The following PTPRG variants were observed in gnomAD, a reference collection of about 807,000 sequenced individuals.
PTPRG encodes protein tyrosine phosphatase receptor type G.
A neutral mutation model predicts 165.3 loss-of-function variants in PTPRG; 102 were observed. The ratio of observed to expected loss-of-function variants is 0.62; its 90% CI spans 0.53 to 0.73. The LOEUF (loss-of-function observed/expected upper bound fraction) is 0.73. PTPRG is among the 30% of genes least tolerant of loss of function. PTPRG has a pLI of 0.00. For synonymous variants in PTPRG, 675 were observed against 669.5 expected, an observed-to-expected ratio of 1.01 and a Z score of -0.13; for missense variants, 1,866 against 1,861.4, an observed-to-expected ratio of 1.00 and a Z score of -0.05.
rs965455075 is a variant in PTPRG, at chr3:61,651,696, A to T, written c.85+89324A>T. Among the ~76,000 whole-genome samples, 5 of 152,152 alleles carry T rather than the reference A, an allele frequency of 3.3e-5. No homozygotes were observed. In the East Asian group the frequency reaches 5.8e-4, roughly 18 times the overall value. ...GGAGAGTGTCAGAAGCTTTATATAT[A>T]TTGATCCATGTAAGTCATGTAAGAA... On this transcript the variant is annotated intron_variant, in intron 1 of 29. Coordinates refer to ENST00000474889, the MANE Select transcript of PTPRG (RefSeq NM_002841.4).
At chr3:62,049,519 C>G (rs920457710) in intron 4 of PTPRG, among the ~76,000 whole-genome samples, 1 of 152,072 alleles carries the variant, frequency 6.6e-6, no homozygotes. Context: ...ATCTTTTACT[C>G]GGTAACTTTC....
intron 7 of PTPRG, among the ~76,000 whole-genome samples, chr3:62,164,068 T>C (rs1038384609): frequency 1.3e-5 from 2 of 152,182 alleles, no homozygotes; most frequent in African/African-American, 4.8e-5. Flanking sequence ...TAACCAGATC[T>C]AGAAAAGCAG....
At chr3:61,751,795 C>T (rs1232783449) in intron 2 of PTPRG, among the ~76,000 whole-genome samples, 1 of 152,068 alleles carries the variant, frequency 6.6e-6, no homozygotes, top group African/African-American at 2.4e-5. Flanking sequence ...TCGAGACCAT[C>T]CTGGCTAACA....
intron 2 of PTPRG, among the ~76,000 whole-genome samples, chr3:61,763,139 A>C (rs981587034): frequency 1.3e-5 from 2 of 152,182 alleles, no homozygotes; most frequent in African/African-American, 4.8e-5. Flanking sequence ...GAATGGGATT[A>C]GCACTGCTGC....
chr3:61,691,570 G>A (rs2030216801), intron 1 of PTPRG, among the ~76,000 whole-genome samples: 1 of 152,180 alleles, frequency 6.6e-6, no homozygotes, highest in Admixed American at 6.5e-5. Flanking sequence ...GAATCAAACT[G>A]TGTTCCTTCA....
chr3:61,961,434 T>G (rs1373605235), intron 2 of PTPRG, among the ~76,000 whole-genome samples: 1 of 152,096 alleles, frequency 6.6e-6, no homozygotes, highest in African/African-American at 2.4e-5. Flanking sequence ...AAATGAAAAA[T>G]AAACCATTTC....
At chr3:61,635,976 T>C (rs950100091) in intron 1 of PTPRG, among the ~76,000 whole-genome samples, 2 of 152,168 alleles carry the variant, frequency 1.3e-5, no homozygotes, top group Non-Finnish European at 1.5e-5. Context: ...TGACCAACAG[T>C]TAGATAGCCT....
At chr3:62,079,094 C>G (rs1468620968) in intron 5 of PTPRG, among the ~76,000 whole-genome samples, 2 of 152,222 alleles carry the variant, frequency 1.3e-5, no homozygotes, top group Non-Finnish European at 2.9e-5. Context: ...AAGTTAAAGA[C>G]ATAAGAGCCT....
At chr3:62,079,014 A>C (rs1452010765) in intron 5 of PTPRG, among the ~76,000 whole-genome samples, 1 of 152,198 alleles carries the variant, frequency 6.6e-6, no homozygotes, top group African/African-American at 2.4e-5. Context: ...TGACCTAGCG[A>C]CTACATAAAG....
At chr3:61,864,462 C>T (rs2037352770) in intron 2 of PTPRG, among the ~76,000 whole-genome samples, 1 of 152,108 alleles carries the variant, frequency 6.6e-6, no homozygotes, top group Non-Finnish European at 1.5e-5. Context: ...TCTCCAACTG[C>T]AAGCAAAGTA....
chr3:62,199,684 T>C (rs940565248), intron 10 of PTPRG, among the ~76,000 whole-genome samples: 8 of 152,202 alleles, frequency 5.3e-5, no homozygotes, highest in Non-Finnish European at 1.2e-4. Flanking sequence ...GGTACAAGTG[T>C]TATTACAGCA....
At chr3:61,947,712 G>A (rs1367006396) in intron 2 of PTPRG, among the ~76,000 whole-genome samples, 1 of 152,150 alleles carries the variant, frequency 6.6e-6, no homozygotes, top group Non-Finnish European at 1.5e-5. Context: ...GGTGGCCCCT[G>A]GCATTACTGG....
chr3:61,708,651 G>C (rs1211568195), intron 1 of PTPRG, among the ~76,000 whole-genome samples: 1 of 151,594 alleles, frequency 6.6e-6, no homozygotes, highest in African/African-American at 2.4e-5. Flanking sequence ...TAGAGATGGG[G>C]TTTCACTGTG....
intron 18 of PTPRG, 72 bp downstream of exon 18, chr3:62,267,564 T>G (rs1020135874): frequency 6.5e-7 from 1 of 1,532,792 alleles, no homozygotes; most frequent in Non-Finnish European, 8.9e-7. Context: ...TTAATATATT[T>G]TAATACTGTA....
intron 2 of PTPRG, among the ~76,000 whole-genome samples, chr3:61,831,695 C>A (rs2036299950): frequency 6.6e-6 from 1 of 152,094 alleles, no homozygotes; most frequent in African/African-American, 2.4e-5. Flanking sequence ...ATGCCAATGA[C>A]CATGGAAATA....
intron 4 of PTPRG, among the ~76,000 whole-genome samples, chr3:62,024,675 G>C (rs1273499153): frequency 6.6e-6 from 1 of 152,120 alleles, no homozygotes; most frequent in East Asian, 1.9e-4. Context: ...CTTACCAAGT[G>C]GGTTTTTAAA....
chr3:62,161,013 C>T (rs575443641), intron 7 of PTPRG, among the ~76,000 whole-genome samples: 14 of 152,062 alleles, frequency 9.2e-5, no homozygotes, highest in Admixed American at 6.6e-4. Context: ...GGCAAACTGC[C>T]TGGGTTCCAT....
chr3:61,781,748 G>GAT (rs1016632515), intron 2 of PTPRG, among the ~76,000 whole-genome samples: 1 of 151,828 alleles, frequency 6.6e-6, no homozygotes, highest in Non-Finnish European at 1.5e-5. Flanking sequence ...TTTTTTTTGA[G>GAT]ATAGGGTCTT....
chr3:61,740,176 A>G (rs1323323749), intron 1 of PTPRG, among the ~76,000 whole-genome samples: 9 of 152,350 alleles, frequency 5.9e-5, no homozygotes, highest in Admixed American at 5.9e-4. Flanking sequence ...TTGATATTAC[A>G]CCAACACTGT....
Sources: allele counts gnomAD v4.1 joint callset (sites outside exome capture counted in the v4.1 genomes callset), GRCh38; gene constraint gnomAD v4.1.1; transcripts MANE v1.5; gene names NCBI Gene and HGNC (gene_info 2026-07-23, HGNC 2026-07-21).